TMEM232: variants seen among roughly 807,000 people sequenced by gnomAD.
TMEM232 encodes the protein transmembrane protein 232.
TMEM232 carries 80 observed loss-of-function variants against 78.8 expected under a neutral mutation model. The observed-to-expected ratio is 1.01, with a 90% CI of 0.85 to 1.22. The LOEUF is 1.22. Among genes scored for constraint, TMEM232 ranks in the 50% most tolerant of loss-of-function variants. The pLI is 0.00. For synonymous variants in TMEM232, 297 were observed against 254.3 expected (o/e 1.17, Z -1.60); for missense variants, 881 against 742.2 (o/e 1.19, Z -2.17).
intron 2 of TMEM232, among the ~76,000 whole-genome samples, chr5:110,649,160 T>C (rs528283864): frequency 3.5e-4 from 53 of 152,074 alleles, no homozygotes; most frequent in African/African-American, 1.2e-3. Context: ...TACAAACATA[T>C]AGAATATACA....
At chr5:110,521,593 C>G (rs190080540) in intron 12 of TMEM232, among the ~76,000 whole-genome samples, 7 of 152,220 alleles carry the variant, frequency 4.6e-5, no homozygotes, top group Non-Finnish European at 4.4e-5. Context: ...TCATGTCTTA[C>G]TTAATTTAAG....
At chr5:110,581,238 G>A (rs1382476084) in intron 10 of TMEM232, among the ~76,000 whole-genome samples, 1 of 151,878 alleles carries the variant, frequency 6.6e-6, no homozygotes, top group African/African-American at 2.4e-5. Flanking sequence ...AACAAAGCCA[G>A]AGGCATTACA....
chr5:110,549,347 G>A lies in TMEM232; in HGVS notation c.1455+19100C>T, dbSNP rs530650790. ...TAAGACTGAGAGGCCAAGCAGAGTG[G>A]CTCAGGCCTGTAATCCCAGTGTTTT... On this transcript the variant is annotated intron_variant, in intron 11 of 13. Transcript: ENST00000455884. Among the ~76,000 whole-genome samples, 417 of 152,092 alleles carry A rather than the reference G, an allele frequency of 2.7e-3. 2 individuals are homozygous for A. Among genetic ancestry groups the A allele is most frequent in the African/African-American group, 9.8e-3 (407 of 41,516 alleles).
At chr5:110,431,015 T>G (rs1344566379) in intron 12 of TMEM232, among the ~76,000 whole-genome samples, 2 of 151,554 alleles carry the variant, frequency 1.3e-5, no homozygotes, top group Non-Finnish European at 3.0e-5. Flanking sequence ...GGCAGAGAAA[T>G]TTTGATCAGA....
chr5:110,445,299 T>C (rs1410571899), intron 12 of TMEM232, among the ~76,000 whole-genome samples: 1 of 152,054 alleles, frequency 6.6e-6, no homozygotes, highest in South Asian at 2.1e-4. Context: ...TAACACATAA[T>C]AAATTACATA....
chr5:110,532,585 G>A (rs1771693483), intron 11 of TMEM232, among the ~76,000 whole-genome samples: 1 of 151,766 alleles, frequency 6.6e-6, no homozygotes. Flanking sequence ...ATCCCCACCT[G>A]CCCAGTTCCC....
chr5:110,415,425 G>C (rs1415978125), downstream of TMEM232, among the ~76,000 whole-genome samples: 5 of 151,432 alleles, frequency 3.3e-5, no homozygotes, highest in African/African-American at 1.2e-4. Context: ...CCTGACCCGT[G>C]TTCCACCCAC....
intron 8 of TMEM232, among the ~76,000 whole-genome samples, chr5:110,613,734 A>G (rs905514767): frequency 9.9e-5 from 15 of 152,160 alleles, no homozygotes; most frequent in Non-Finnish European, 1.9e-4. Flanking sequence ...TTAGGAGTAC[A>G]TAAGACCAAT....
chr5:110,518,771 G>C (rs1045694065), intron 12 of TMEM232, among the ~76,000 whole-genome samples: 6 of 152,024 alleles, frequency 3.9e-5, no homozygotes, highest in African/African-American at 1.4e-4. Context: ...TATGATTTTG[G>C]AACTTAAATA....
chr5:110,435,425 C>A lies in TMEM232; in HGVS notation c.1704-10509G>T, dbSNP rs554579478. Reference sequence around the variant, plus strand: ...ACAGGCATGCAATATGTAATAATTACGTCATGGAAAATGGATTATACATCC... The same window carrying A: ...ACAGGCATGCAATATGTAATAATTAAGTCATGGAAAATGGATTATACATCC... On this transcript the variant is annotated intron_variant, in intron 12 of 13. Transcript: ENST00000455884. Among the ~76,000 whole-genome samples the A allele has an allele frequency of 3.4e-4, 51 of 151,640 alleles. 1 individual carries two copies. Among genetic ancestry groups the A allele is most frequent in the Middle Eastern group, 6.8e-3 (2 of 294 alleles).
At chr5:110,421,206 G>A (rs540353079) in intron 13 of TMEM232, among the ~76,000 whole-genome samples, 7 of 151,942 alleles carry the variant, frequency 4.6e-5, no homozygotes, top group Non-Finnish European at 7.4e-5. Context: ...TAATGGTCAG[G>A]TAAATGCATA....
In TMEM232 at chr5:110,605,206, T is replaced by A; in HGVS notation, c.1179A>T (p.Lys393Asn). The change falls in exon 10 of 14, where the codon AAA becomes AAT. Residue 393 changes from lysine to asparagine, a missense_variant. Coordinates refer to ENST00000455884, the MANE Select transcript of TMEM232 (RefSeq NM_001039763.4). ...IGFCHCKSSQ[K>N]NILYLDKSVP... ...CTGATTTGTCCAAGTATAAAATATT[T>A]TTTTGTGAACTTTTACAGTGACAGA... is the stretch of plus-strand genomic sequence containing the variant. 2 of 1,551,142 alleles carry A rather than the reference T, an allele frequency of 1.3e-6. No homozygotes were observed. The highest frequency in any genetic ancestry group is 2.5e-5 in the East Asian group (1 of 40,800).
intron 12 of TMEM232, among the ~76,000 whole-genome samples, chr5:110,514,076 C>G (rs1204039787): frequency 6.6e-6 from 1 of 152,062 alleles, no homozygotes; most frequent in African/African-American, 2.4e-5. Context: ...AATAGAAGCC[C>G]ATCTCTGAAG....
chr5:110,391,326 T>A (rs200390342), intron 3 of TMEM232, among the ~76,000 whole-genome samples: 7,044 of 139,452 alleles, frequency 0.051, 356 homozygotes, highest in African/African-American at 0.14. Context: ...TGTGTGTGTG[T>A]GAGAGAGAGA....
intron 12 of TMEM232, among the ~76,000 whole-genome samples, chr5:110,427,757 T>C (rs1280081392): frequency 6.6e-6 from 1 of 151,934 alleles, no homozygotes; most frequent in African/African-American, 2.4e-5. Flanking sequence ...TTCACTCCTG[T>C]CTGTGTCTCT....
intron 12 of TMEM232, among the ~76,000 whole-genome samples, chr5:110,470,988 G>A (rs13357606): frequency 0.081 from 12,324 of 152,052 alleles, 1,135 homozygotes; most frequent in African/African-American, 0.23. Flanking sequence ...AGACAATTTG[G>A]TTAAACCAGG....
At chr5:110,525,166 A>G (rs1770385380) in intron 12 of TMEM232, among the ~76,000 whole-genome samples, 1 of 151,556 alleles carries the variant, frequency 6.6e-6, no homozygotes, top group African/African-American at 2.4e-5. Flanking sequence ...TCGTAACAAT[A>G]AGAAAAAAAA....
upstream of TMEM232, among the ~76,000 whole-genome samples, chr5:110,727,581 C>G (rs1487353364): frequency 6.6e-6 from 1 of 152,014 alleles, no homozygotes; most frequent in African/African-American, 2.4e-5. Context: ...TGCACCCCAG[C>G]CTGGGAAACA....
At chr5:110,466,939 C>T (rs1762145151) in intron 12 of TMEM232, among the ~76,000 whole-genome samples, 1 of 151,482 alleles carries the variant, frequency 6.6e-6, no homozygotes, top group Admixed American at 6.6e-5. Context: ...GATAAGCCAC[C>T]TCCAAAAAAT....
Sources: allele counts gnomAD v4.1 joint callset (sites outside exome capture counted in the v4.1 genomes callset), GRCh38; gene constraint gnomAD v4.1.1; transcripts MANE v1.5; gene names NCBI Gene and HGNC (gene_info 2026-07-23, HGNC 2026-07-21).